Variants in PEX7 observed in about 807,000 individuals in gnomAD.
PEX7 encodes PTS2 receptor.
A neutral mutation model predicts 47.5 loss-of-function variants in PEX7; 34 were observed. The ratio of observed to expected loss-of-function variants is 0.72; its 90% CI spans 0.54 to 0.95. The LOEUF is 0.95. Among genes scored for constraint, PEX7 ranks in the 40% least tolerant of loss-of-function variants. The pLI is 0.00. For missense variants in PEX7, 394 were observed against 400.3 expected (o/e 0.98, Z 0.13); for synonymous variants, 141 against 148.8 (o/e 0.95, Z 0.38).
intron 8 of PEX7, among the ~76,000 whole-genome samples, chr6:136,889,312 G>C (rs907297313): frequency 1.3e-5 from 2 of 152,136 alleles, no homozygotes; most frequent in African/African-American, 4.8e-5. Context: ...ATATTAATTG[G>C]AAAGAAACTT....
intron 8 of PEX7, among the ~76,000 whole-genome samples, chr6:136,880,021 C>T (rs1562750271): frequency 6.6e-6 from 1 of 151,886 alleles, no homozygotes; most frequent in Non-Finnish European, 1.5e-5. Flanking sequence ...TTTTTGAGTT[C>T]CTGATCAAGG....
At chr6:136,862,533 G>C (rs1291657401) in intron 5 of PEX7, among the ~76,000 whole-genome samples, 1 of 151,974 alleles carries the variant, frequency 6.6e-6, no homozygotes, top group Non-Finnish European at 1.5e-5. Context: ...GTGCCACCAT[G>C]CCTGGCTAAT....
intron 3 of PEX7, among the ~76,000 whole-genome samples, chr6:136,836,322 G>T (rs1774384204): frequency 6.6e-6 from 1 of 151,676 alleles, no homozygotes; most frequent in South Asian, 2.1e-4. Context: ...AGAAACAATG[G>T]AAAAATAATT....
chr6:136,845,990 T>C, intron 4 of PEX7, 83 bp from the exon 5 acceptor site: 1 of 775,180 alleles, frequency 1.3e-6, no homozygotes, highest in Non-Finnish European at 2.3e-6. Flanking sequence ...TAAATGTATA[T>C]AGTTTATTGG....
intron 7 of PEX7, chr6:136,870,828 C>T (rs1416883238): frequency 5.7e-6 from 2 of 349,176 alleles, no homozygotes; most frequent in Non-Finnish European, 5.6e-6. Flanking sequence ...TACTGAGTAG[C>T]TGGGACTACA....
chr6:136,853,253 A>G (rs1252181620), intron 5 of PEX7, among the ~76,000 whole-genome samples: 2 of 152,366 alleles, frequency 1.3e-5, no homozygotes, highest in East Asian at 3.9e-4. Context: ...AAAGCCAAAA[A>G]TATTTACCGC....
intron 9 of PEX7, among the ~76,000 whole-genome samples, chr6:136,912,279 T>A (rs1167325703): frequency 6.6e-6 from 1 of 152,194 alleles, no homozygotes; most frequent in Admixed American, 6.5e-5. Context: ...TTACTTTTTG[T>A]ATCCCTAAGA....
intron 8 of PEX7, among the ~76,000 whole-genome samples, chr6:136,879,637 A>G (rs1350711621): frequency 3.3e-5 from 5 of 152,118 alleles, no homozygotes; most frequent in Admixed American, 2.0e-4. Flanking sequence ...CTCTTTAAGT[A>G]TATAGATTTG....
intron 3 of PEX7, among the ~76,000 whole-genome samples, chr6:136,840,217 C>T (rs1774470000): frequency 6.6e-6 from 1 of 152,112 alleles, no homozygotes; most frequent in Admixed American, 6.5e-5. Flanking sequence ...ATATTGAACA[C>T]ACATATTCAC....
At chr6:136,893,912 T>C (rs891263037) in intron 8 of PEX7, among the ~76,000 whole-genome samples, 3 of 152,260 alleles carry the variant, frequency 2.0e-5, no homozygotes, top group Non-Finnish European at 4.4e-5. Flanking sequence ...AACCTTCTGC[T>C]GAATTCACCT....
intron 5 of PEX7, among the ~76,000 whole-genome samples, chr6:136,861,107 C>CA (rs1473918434): frequency 6.6e-6 from 1 of 151,984 alleles, no homozygotes; most frequent in Non-Finnish European, 1.5e-5. Flanking sequence ...TTTTTTGAGA[C>CA]AGAGTCTGGC....
chr6:136,852,362 G>GT (rs1774773418), intron 5 of PEX7, among the ~76,000 whole-genome samples: 1 of 128,484 alleles, frequency 7.8e-6, no homozygotes, highest in African/African-American at 3.0e-5. Flanking sequence ...AAAAGAGGAA[G>GT]TCAAATTGTC....
intron 3 of PEX7, among the ~76,000 whole-genome samples, chr6:136,841,345 C>T (rs936769636): frequency 5.3e-5 from 8 of 152,164 alleles, no homozygotes; most frequent in African/African-American, 1.9e-4. Context: ...CCATCACTGA[C>T]AGTCCTCAGG....
At chr6:136,913,070 TC>T (rs1199737917) in intron 9 of PEX7, among the ~76,000 whole-genome samples, 4 of 152,234 alleles carry the variant, frequency 2.6e-5, no homozygotes, top group Non-Finnish European at 4.4e-5. Context: ...CTTTACTTTA[TC>T]TTCCTCTCCA....
chr6:136,830,989 C>G (rs1324337321), intron 3 of PEX7, among the ~76,000 whole-genome samples: 1 of 152,080 alleles, frequency 6.6e-6, no homozygotes, highest in Non-Finnish European at 1.5e-5. Context: ...TTATACATTT[C>G]AAGAGTTAAA....
intron 3 of PEX7, among the ~76,000 whole-genome samples, chr6:136,837,844 A>G: frequency 6.7e-6 from 1 of 150,140 alleles, no homozygotes; most frequent in Non-Finnish European, 1.5e-5. Context: ...ACACACACAC[A>G]CGTACATGTA....
At chr6:136,829,987 GTTT>G in intron 3 of PEX7, 3 of 610,400 alleles carry the variant, frequency 4.9e-6, no homozygotes, top group East Asian at 3.1e-5. Context: ...GCCAATTTCT[GTTT>G]TTTTTTTTTC....
At chr6:136,895,009 C>T (rs945703560) in intron 8 of PEX7, among the ~76,000 whole-genome samples, 2 of 152,162 alleles carry the variant, frequency 1.3e-5, no homozygotes, top group Admixed American at 1.3e-4. Flanking sequence ...ATATATAGCA[C>T]TTATGGGATG....
intron 3 of PEX7, among the ~76,000 whole-genome samples, chr6:136,843,051 A>G (rs1198437317): frequency 6.6e-6 from 1 of 152,194 alleles, no homozygotes; most frequent in Non-Finnish European, 1.5e-5. Flanking sequence ...CCTTGATATC[A>G]TGGCTTAAGG....
Sources: gnomAD v4.1 joint callset for allele counts (sites outside exome capture counted in the v4.1 genomes callset) on GRCh38, gnomAD v4.1.1 for gene constraint, MANE v1.5 for transcripts, NCBI Gene and HGNC (gene_info 2026-07-23, HGNC 2026-07-21) for gene names.